The following RNF13 variants were observed in gnomAD, a reference collection of about 807,000 sequenced individuals.
RNF13 encodes E3 ubiquitin-protein ligase RNF13.
In RNF13, 19 loss-of-function variants were observed where a neutral mutation model predicts 37.7. That is an observed-to-expected ratio of 0.50 (90% CI 0.35 to 0.74). The LOEUF is 0.74. RNF13 is among the 30% of genes least tolerant of loss of function. RNF13 has a pLI of 0.01. For synonymous variants in RNF13, 144 were observed against 157.8 expected, an observed-to-expected ratio of 0.91 and a Z score of 0.65; for missense variants, 375 against 453.0, an observed-to-expected ratio of 0.83 and a Z score of 1.56.
chr3:149,849,690 G>T (rs1217358196), intron 2 of RNF13, among the ~76,000 whole-genome samples: 1 of 152,178 alleles, frequency 6.6e-6, no homozygotes, highest in Non-Finnish European at 1.5e-5. Context: ...ACATTCTGTT[G>T]TCAATCTGTA....
Position 149,960,758 on chromosome 3 carries a change from T to C in RNF13, c.800T>C (p.Val267Ala). The C allele has an allele frequency of 6.2e-7, 1 of 1,613,036 alleles. No homozygotes were observed. Among genetic ancestry groups the C allele is most frequent in the Non-Finnish European group, 8.5e-7 (1 of 1,179,580 alleles). The change falls in exon 10 of 10, where the codon GTA (valine) becomes GCA (alanine). Residue 267 changes from valine to alanine, a missense_variant. Transcript: ENST00000392894. The stretch of plus-strand genomic sequence containing the variant: ...TCAACAGCTTATCACTGCAAGTGTG[T>C]AGACCCTTGGCTAACTAAAACCAAA... ...PCSHAYHCKC[V>A]DPWLTKTKKT...
At chr3:149,841,452 A>G (rs956079223) in intron 1 of RNF13, among the ~76,000 whole-genome samples, 16 of 152,140 alleles carry the variant, frequency 1.1e-4, no homozygotes, top group African/African-American at 3.9e-4. Flanking sequence ...TTTTCCCCCA[A>G]ATTCTCTTTT....
chr3:149,952,121 G>A (rs1482235940), intron 8 of RNF13, among the ~76,000 whole-genome samples: 2 of 152,130 alleles, frequency 1.3e-5, no homozygotes, highest in Non-Finnish European at 2.9e-5. Flanking sequence ...TCTACTAGCA[G>A]TATATAATAC....
At chr3:149,903,763 A>G (rs765313568) in intron 6 of RNF13, among the ~76,000 whole-genome samples, 1 of 152,202 alleles carries the variant, frequency 6.6e-6, no homozygotes, top group Non-Finnish European at 1.5e-5. Flanking sequence ...CAAACAAATT[A>G]ATGTATCTGC....
intron 4 of RNF13, among the ~76,000 whole-genome samples, chr3:149,872,474 G>T (rs908454779): frequency 9.2e-5 from 14 of 152,134 alleles, no homozygotes; most frequent in African/African-American, 2.9e-4. Context: ...TGTCTACATT[G>T]TCATTGAGGT....
chr3:149,888,185 T>G (rs2108476467), intron 4 of RNF13, among the ~76,000 whole-genome samples: 1 of 152,344 alleles, frequency 6.6e-6, no homozygotes, highest in East Asian at 1.9e-4. Context: ...GTAATAAAAT[T>G]ATGACTTGTC....
chr3:149,909,034 A>G (rs1182560430), intron 6 of RNF13, among the ~76,000 whole-genome samples: 1 of 152,186 alleles, frequency 6.6e-6, no homozygotes, highest in African/African-American at 2.4e-5. Flanking sequence ...ACCTGTTTAA[A>G]TACCTTCTTC....
chr3:149,916,209 G>A (rs1233349734), intron 7 of RNF13, among the ~76,000 whole-genome samples: 1 of 151,934 alleles, frequency 6.6e-6, no homozygotes, highest in Non-Finnish European at 1.5e-5. Flanking sequence ...TGGTTTTCCA[G>A]TTCCTACTAA....
chr3:149,937,117 C>G (rs1214531628), intron 8 of RNF13, among the ~76,000 whole-genome samples: 3 of 152,150 alleles, frequency 2.0e-5, no homozygotes, highest in Admixed American at 6.6e-5. Context: ...TCTCCTTTGG[C>G]TGAGATGAAG....
chr3:149,846,115 T>A lies in RNF13; in HGVS notation c.89T>A (p.Leu30Gln), dbSNP rs145759442. 68 of 1,612,040 alleles carry A rather than the reference T, an allele frequency of 4.2e-5. No individual in the cohort carries two copies. The highest frequency in any genetic ancestry group is 5.6e-5 in the Non-Finnish European group (66 of 1,178,428). Residue 30 changes from leucine (L) to glutamine (Q), a missense_variant, in exon 2 of 10, where the codon CTG (leucine) becomes CAG (glutamine). Leu to Gln is a moderately radical substitution (Grantham distance 113, BLOSUM62 -2). Coordinates refer to ENST00000392894, the MANE Select transcript of RNF13 (RefSeq NM_183381.3). The part of the protein sequence containing the change: ...TVQLFAFLNL[L>Q]PVEADILAYN... ...CAGCTCTTTGCATTCTTAAACCTACTGCCTGTAGAAGCAGACATTTTAGCA... is the reference window on the plus strand; with the variant it reads ...CAGCTCTTTGCATTCTTAAACCTACAGCCTGTAGAAGCAGACATTTTAGCA...
At chr3:149,873,768 T>G (rs1033530004) in intron 4 of RNF13, among the ~76,000 whole-genome samples, 3 of 152,178 alleles carry the variant, frequency 2.0e-5, no homozygotes, top group African/African-American at 7.2e-5. Flanking sequence ...CCATTCCAGC[T>G]CAATGTGCCA....
chr3:149,939,894 T>C (rs1720085510), intron 8 of RNF13: 1 of 341,748 alleles, frequency 2.9e-6, no homozygotes, highest in Non-Finnish European at 5.5e-6. Flanking sequence ...CACACCAGGG[T>C]ATGTGTCTTC....
At chr3:149,859,388 G>C (rs1048342301) in intron 3 of RNF13, among the ~76,000 whole-genome samples, 2 of 152,060 alleles carry the variant, frequency 1.3e-5, no homozygotes, top group Non-Finnish European at 2.9e-5. Flanking sequence ...AAAAAGTAAT[G>C]GTTGCTTATT....
At chr3:149,911,944 C>A (rs755549239) in intron 6 of RNF13, 34 bp from the exon 7 acceptor site, 1 of 1,083,966 alleles carries the variant, frequency 9.2e-7, no homozygotes. Context: ...AACAACTCTT[C>A]ATTTCTCAAT....
chr3:149,899,667 A>G (rs1715622390), intron 5 of RNF13, among the ~76,000 whole-genome samples: 1 of 152,162 alleles, frequency 6.6e-6, no homozygotes, highest in Non-Finnish European at 1.5e-5. Flanking sequence ...ATTAGTAGTT[A>G]AAGTCATGAG....
At chr3:149,815,655 T>G (rs926341466) in intron 1 of RNF13, among the ~76,000 whole-genome samples, 7 of 152,236 alleles carry the variant, frequency 4.6e-5, no homozygotes, top group Non-Finnish European at 1.0e-4. Context: ...CTATAGATAT[T>G]TATTGAGCAT....
intron 4 of RNF13, among the ~76,000 whole-genome samples, chr3:149,889,474 T>G (rs1321709701): frequency 6.8e-6 from 1 of 147,764 alleles, no homozygotes; most frequent in African/African-American, 2.5e-5. Context: ...CCAGCTAATT[T>G]TTGTATTTTT....
chr3:149,941,013 CA>C (rs1208002022), intron 8 of RNF13, among the ~76,000 whole-genome samples: 6 of 152,152 alleles, frequency 3.9e-5, no homozygotes, highest in Non-Finnish European at 8.8e-5. Flanking sequence ...TATGTTGTGG[CA>C]TGTGACAGAA....
At chr3:149,922,036 C>T (rs1718179998) in intron 8 of RNF13, among the ~76,000 whole-genome samples, 1 of 151,858 alleles carries the variant, frequency 6.6e-6, no homozygotes, top group Admixed American at 6.6e-5. Context: ...TGCAGTGGTG[C>T]GATCTTGGCT....
Sources: allele counts gnomAD v4.1 joint callset (sites outside exome capture counted in the v4.1 genomes callset), GRCh38; gene constraint gnomAD v4.1.1; transcripts MANE v1.5; gene names NCBI Gene and HGNC (gene_info 2026-07-23, HGNC 2026-07-21).